CPQ: variants seen among roughly 807,000 people sequenced by gnomAD.
The protein encoded by CPQ is carboxypeptidase Q, also known as Ser-Met dipeptidase.
CPQ carries 37 observed loss-of-function variants against 45.7 expected under a neutral mutation model. The ratio of observed to expected loss-of-function variants is 0.81; its 90% CI spans 0.62 to 1.07. The LOEUF (loss-of-function observed/expected upper bound fraction) is 1.07, where lower values mean the gene tolerates loss of function less well. Among genes scored for constraint, CPQ ranks in the 50% least tolerant of loss-of-function variants. The pLI, the probability that CPQ is intolerant of heterozygous loss-of-function variation, is 0.00. For synonymous variants in CPQ, 186 were observed against 205.8 expected, an observed-to-expected ratio of 0.90 and a Z score of 0.82; for missense variants, 537 against 572.9, an observed-to-expected ratio of 0.94 and a Z score of 0.64.
chr8:96,915,975 C>G (rs912669829), intron 4 of CPQ, among the ~76,000 whole-genome samples: 3 of 151,968 alleles, frequency 2.0e-5, no homozygotes, highest in African/African-American at 7.2e-5. Flanking sequence ...TTATCTCTGC[C>G]CTGAGAATTT....
At position 97,143,250 on chromosome 8, in the gene CPQ, T is replaced by C; in HGVS notation, c.*67T>C. The C allele has an allele frequency of 6.8e-7, 1 of 1,462,172 alleles. No homozygotes were observed. The highest frequency in any genetic ancestry group is 9.4e-7 in the Non-Finnish European group (1 of 1,059,036). The allele number at this position is 1,462,172 out of a possible 1,614,324, so 90.6% of individuals were successfully genotyped here. A position where few individuals can be genotyped will look rare whatever the true frequency, so the allele number is the denominator to read the frequency against. ...TCCTGGGTCTGCAACTTTGGAAAAC[T>C]CCTCTTCACATAACAATTTCATCCA... On this transcript the variant is annotated 3_prime_UTR_variant, in exon 8 of 8. Coordinates refer to ENST00000220763, the MANE Select transcript of CPQ (RefSeq NM_016134.4).
rs1434225583 is a variant in CPQ at position 97,124,224 on chromosome 8, T to C, written c.1256-18796T>C. Among the ~76,000 whole-genome samples, 17 of 18,338 alleles carry C rather than the reference T, an allele frequency of 9.3e-4. No homozygotes were observed. The East Asian group carries it at 0.032, about 34-fold the overall frequency. The allele number at this position is 18,338 out of a possible 152,430, so 12.0% of individuals were successfully genotyped here. A position where few individuals can be genotyped will look rare whatever the true frequency, so the allele number is the denominator to read the frequency against. ...CTGGGCGACAGAGCAAGACTCCGTC[T>C]CAAAAAAAAAAAAAAAAAAAAAAAA... On this transcript the variant is annotated intron_variant, in intron 7 of 7. Transcript: ENST00000220763.
intron 6 of CPQ, among the ~76,000 whole-genome samples, chr8:97,039,782 C>A (rs922007522): frequency 6.7e-4 from 102 of 152,216 alleles, no homozygotes; most frequent in African/African-American, 2.5e-3. Context: ...TGATTTCCAG[C>A]TTCATCCATG....
chr8:96,785,075 C>T lies in CPQ; in HGVS notation c.178C>T (p.Gln60Ter). Residue 60 changes from glutamine to a stop codon, truncating the protein, a stop_gained, in exon 2 of 8, where the codon CAG becomes TAG. Coordinates refer to ENST00000220763, the MANE Select transcript of CPQ (RefSeq NM_016134.4). LOFTEE classifies it high-confidence loss of function. ...CAACCTAGCTGTTTATGGTAAAGCC[C>T]AGAACAGATCCTATGAGCGATTGGC... is the stretch of plus-strand genomic sequence containing the variant. ...IINLAVYGKAQNRSYERLALL... is the reference protein window; with the variant it reads ...IINLAVYGKA The T allele has an allele frequency of 6.2e-7, 1 of 1,613,712 alleles. No individual in the cohort carries two copies. The highest frequency in any genetic ancestry group is 1.1e-5 in the South Asian group (1 of 91,056).
chr8:97,095,402 C>A (rs753454043), intron 7 of CPQ, among the ~76,000 whole-genome samples: 1 of 152,144 alleles, frequency 6.6e-6, no homozygotes. Flanking sequence ...TAAGATAATG[C>A]CATTTCTACC....
At position 96,785,280 on chromosome 8, in the gene CPQ, A is replaced by G. The variant is rs1810752529; in HGVS notation, c.383A>G (p.His128Arg). 2.5e-6 allele frequency: 4 copies of G among 1,612,960 alleles called. No homozygotes were observed. The highest frequency in any genetic ancestry group is 1.6e-4 in the Middle Eastern group (1 of 6,074). The change falls in exon 2 of 8, where the codon CAT (histidine) becomes CGT (arginine). Residue 128 changes from histidine (H) to arginine (R), a missense_variant. His to Arg is a conservative substitution (Grantham distance 29, BLOSUM62 0). Coordinates refer to ENST00000220763, the MANE Select transcript of CPQ (RefSeq NM_016134.4). ...ESAVMLEPRI[H>R]KIAILGLGSS... Reference sequence around the variant, plus strand: ...GCTGTGATGCTGGAGCCAAGAATTCATAAGATAGCCATCCTGGGTCTTGGC... The same window carrying G: ...GCTGTGATGCTGGAGCCAAGAATTCGTAAGATAGCCATCCTGGGTCTTGGC...
In CPQ at chr8:96,986,326, C is replaced by A. The variant is rs140503162; in HGVS notation, c.961+20280C>A. Among the ~76,000 whole-genome samples the A allele has an allele frequency of 5.4e-4, 82 of 152,240 alleles. 1 individual carries two copies. The highest frequency in any genetic ancestry group is 1.9e-3 in the African/African-American group (80 of 41,566). On this transcript the variant is annotated intron_variant, in intron 5 of 7. Coordinates refer to ENST00000220763, the MANE Select transcript of CPQ (RefSeq NM_016134.4). ...AGAAAATTCGATTGGACCATCAAAG[C>A]AAATGTGTTCTTTTATGGTTTATTA...
intron 5 of CPQ, among the ~76,000 whole-genome samples, chr8:96,983,672 C>T (rs903564749): frequency 6.6e-6 from 1 of 152,046 alleles, no homozygotes; most frequent in Non-Finnish European, 1.5e-5. Context: ...TTATAAATTT[C>T]TCCTTTAATT....
chr8:96,766,505 C>T (rs1810469418), intron 1 of CPQ, among the ~76,000 whole-genome samples: 1 of 152,154 alleles, frequency 6.6e-6, no homozygotes, highest in Admixed American at 6.5e-5. Context: ...GAATCAAATG[C>T]AGCCTCTGTA....
At chr8:96,711,146 C>T (rs1339388427) in intron 1 of CPQ, among the ~76,000 whole-genome samples, 2 of 152,074 alleles carry the variant, frequency 1.3e-5, no homozygotes, top group Non-Finnish European at 2.9e-5. Flanking sequence ...ATAGCTACTC[C>T]TGCTTGCATT....
chr8:97,078,763 T>TTCTCTCTCTCTCTCTCTCTCTC (rs749278181), intron 7 of CPQ, among the ~76,000 whole-genome samples: 13 of 100,362 alleles, frequency 1.3e-4, no homozygotes, highest in Middle Eastern at 6.6e-3. Flanking sequence ...TCATTTCCAT[T>TTCTCTCTCTCTCTCTCTCTCTC]TCTCTCTCTC....
At chr8:96,845,404 A>T (rs1435626860) in intron 3 of CPQ, among the ~76,000 whole-genome samples, 1 of 152,240 alleles carries the variant, frequency 6.6e-6, no homozygotes, top group African/African-American at 2.4e-5. Context: ...TTGATTGAAT[A>T]AATAACTATT....
intron 4 of CPQ, among the ~76,000 whole-genome samples, chr8:96,914,534 C>A (rs1383214059): frequency 1.3e-5 from 2 of 152,130 alleles, no homozygotes; most frequent in African/African-American, 4.8e-5. Flanking sequence ...ATCTGAAATA[C>A]AATTTTTTTG....
chr8:96,942,808 C>T (rs1359352028), intron 4 of CPQ, among the ~76,000 whole-genome samples: 1 of 152,192 alleles, frequency 6.6e-6, no homozygotes, highest in African/African-American at 2.4e-5. Flanking sequence ...ATGTCACAGA[C>T]AATTCTGATG....
chr8:97,046,101 T>A (rs968972998), intron 6 of CPQ, among the ~76,000 whole-genome samples: 6 of 152,226 alleles, frequency 3.9e-5, no homozygotes, highest in Non-Finnish European at 5.9e-5. Flanking sequence ...CCAAATCCTG[T>A]GGTGTCTTAA....
At chr8:96,868,470 A>C (rs1393587727) in intron 3 of CPQ, among the ~76,000 whole-genome samples, 9 of 152,024 alleles carry the variant, frequency 5.9e-5, no homozygotes, top group Non-Finnish European at 1.5e-5. Context: ...AGTTGACTTC[A>C]GGCGTATTCA....
intron 3 of CPQ, among the ~76,000 whole-genome samples, chr8:96,871,742 C>T (rs1022864327): frequency 6.6e-6 from 1 of 151,626 alleles, no homozygotes; most frequent in African/African-American, 2.4e-5. Flanking sequence ...CAGTTATTTT[C>T]TTTGAACTTA....
intron 1 of CPQ, among the ~76,000 whole-genome samples, chr8:96,694,994 C>T (rs1809354804): frequency 6.6e-6 from 1 of 151,846 alleles, no homozygotes; most frequent in South Asian, 2.1e-4. Context: ...CAATCCTGAG[C>T]CAAAAGAACA....
chr8:97,131,774 G>T (rs1032901502), intron 7 of CPQ, among the ~76,000 whole-genome samples: 1 of 152,160 alleles, frequency 6.6e-6, no homozygotes, highest in Non-Finnish European at 1.5e-5. Flanking sequence ...TGCCCTACTT[G>T]TTGGGAAGAA....
Sources: allele counts gnomAD v4.1 joint callset (sites outside exome capture counted in the v4.1 genomes callset), GRCh38; gene constraint gnomAD v4.1.1; transcripts MANE v1.5; gene names NCBI Gene and HGNC (gene_info 2026-07-23, HGNC 2026-07-21).